PTPRN2: variants seen among roughly 807,000 people sequenced by gnomAD.
PTPRN2 encodes protein tyrosine phosphatase receptor type N2, also known as receptor-type tyrosine-protein phosphatase N2.
A neutral mutation model predicts 118.8 loss-of-function variants in PTPRN2; 74 were observed. The ratio of observed to expected loss-of-function variants is 0.62; its 90% CI spans 0.52 to 0.76. The LOEUF (loss-of-function observed/expected upper bound fraction) is 0.76, where lower values mean the gene tolerates loss of function less well. Among genes scored for constraint, PTPRN2 ranks in the 30% least tolerant of loss-of-function variants. The pLI, the probability that PTPRN2 is intolerant of heterozygous loss-of-function variation, is 0.00. For missense variants in PTPRN2, 1,481 were observed against 1,394.4 expected (o/e 1.06, Z -0.99); for synonymous variants, 641 against 608.0 (o/e 1.05, Z -0.80).
At chr7:158,074,839 G>A (rs1489681040) in intron 11 of PTPRN2, among the ~76,000 whole-genome samples, 1 of 152,170 alleles carries the variant, frequency 6.6e-6, no homozygotes, top group Non-Finnish European at 1.5e-5. Flanking sequence ...AGGTGAGAAC[G>A]AGCTGCTCCC....
At position 157,603,828 on chromosome 7, in the gene PTPRN2, T is replaced by C. The variant is rs1176887088; in HGVS notation, c.2418+174A>G. On this transcript the variant is annotated intron_variant, in intron 16 of 22. Coordinates refer to ENST00000389418, the MANE Select transcript of PTPRN2 (RefSeq NM_002847.5). This position sits in a 1 kb window ranked among gnomAD's most constrained non-coding sequence, Gnocchi z 5.4. ...CCACACGGCTCATAAACAGCCCCGC[T>C]GGTGAAGGAACAGGGGAGTGGCGGG... Among the ~76,000 whole-genome samples the C allele has an allele frequency of 6.6e-6, 1 of 152,084 alleles. No homozygotes were observed. Among genetic ancestry groups the C allele is most frequent in the Non-Finnish European group, 1.5e-5 (1 of 68,018 alleles).
chr7:158,270,765 A>G (rs552043500), intron 3 of PTPRN2, among the ~76,000 whole-genome samples: 1,666 of 117,258 alleles, frequency 0.014, 83 homozygotes, highest in African/African-American at 0.053. Flanking sequence ...CACCTGGACC[A>G]CCCCGTCCAC....
intron 12 of PTPRN2, among the ~76,000 whole-genome samples, chr7:157,844,054 G>A (rs1299713362): frequency 3.3e-5 from 5 of 151,522 alleles, no homozygotes; most frequent in African/African-American, 1.2e-4. Context: ...CACGTCATCG[G>A]TGTGGAACGC....
At chr7:158,136,018 C>T (rs4475429) in intron 8 of PTPRN2, among the ~76,000 whole-genome samples, 50,615 of 152,088 alleles carry the variant, frequency 0.33, 8,579 homozygotes, top group Admixed American at 0.42. Context: ...CAGTGTCTAG[C>T]TCGTGGACAT....
Position 157,621,032 on chromosome 7 carries a change from T to C in PTPRN2, c.2344+330A>G, listed in dbSNP as rs879146456. Among the ~76,000 whole-genome samples the C allele has an allele frequency of 8.0e-3, 699 of 87,458 alleles. 14 individuals carry two copies. Among genetic ancestry groups the C allele is most frequent in the African/African-American group, 0.03 (663 of 21,806 alleles). 57.4% of individuals were successfully genotyped at this position (87,458 alleles called of 152,430 possible). ...AGGCCTCCTGCCCCCGGGACTGGTATGTACAGGTCAGCATGGCCAGTTTCC... is the reference window on the plus strand; with the variant it reads ...AGGCCTCCTGCCCCCGGGACTGGTACGTACAGGTCAGCATGGCCAGTTTCC... On this transcript the variant is annotated intron_variant, in intron 15 of 22. Transcript: ENST00000389418.
In PTPRN2 at chr7:158,316,825, C is replaced by A; in HGVS notation, c.271G>T (p.Gly91Cys). 1 of 1,601,500 alleles carries A rather than the reference C, an allele frequency of 6.2e-7. No homozygotes were observed. Among genetic ancestry groups the A allele is most frequent in the Non-Finnish European group, 8.5e-7 (1 of 1,177,672 alleles). Reference protein sequence around the residue: ...RLRVALQKLSGTGFTWQDDYT... With the variant: ...RLRVALQKLSCTGFTWQDDYT... ...CGGCCCACGCCCGCCCTACCTGTGC[C>A]GGAAAGCTTCTGCAACGCCACGCGC... is the stretch of plus-strand genomic sequence containing the variant. Residue 91 changes from glycine to cysteine, a missense_variant, in exon 3 of 23, where the codon GGC becomes TGC. Physicochemically the swap from Gly to Cys is radical, Grantham distance 159. This residue lies in a region of PTPRN2 where 1,115 missense variants were observed against 994.2 expected (regional missense o/e 1.12). Coordinates refer to ENST00000389418, the MANE Select transcript of PTPRN2 (RefSeq NM_002847.5).
chr7:157,735,497 C>T (rs1442293036), intron 12 of PTPRN2, among the ~76,000 whole-genome samples: 1 of 152,206 alleles, frequency 6.6e-6, no homozygotes, highest in Non-Finnish European at 1.5e-5. Flanking sequence ...GGCTGCTGAG[C>T]TGCTTTAGAA....
chr7:158,048,836 C>T (rs535217859), intron 11 of PTPRN2, among the ~76,000 whole-genome samples: 7 of 150,248 alleles, frequency 4.7e-5, no homozygotes, highest in African/African-American at 1.7e-4. Context: ...TTATCACCAT[C>T]GCATCACCAC....
chr7:158,141,171 TCTCGGCACAATC>T (rs1327384142), intron 6 of PTPRN2, among the ~76,000 whole-genome samples: 1 of 152,196 alleles, frequency 6.6e-6, no homozygotes, highest in African/African-American at 2.4e-5. Context: ...CCTAGAGGGA[TCTCGGCACAATC>T]CTCTACAATA....
chr7:158,288,612 A>G (rs1563092130), intron 3 of PTPRN2, among the ~76,000 whole-genome samples: 3 of 152,184 alleles, frequency 2.0e-5, no homozygotes, highest in Non-Finnish European at 4.4e-5. Flanking sequence ...TAATGTCACA[A>G]TTCATATCTT....
At chr7:158,528,625 A>G (rs1277477321) in intron 1 of PTPRN2, among the ~76,000 whole-genome samples, 1 of 150,180 alleles carries the variant, frequency 6.7e-6, no homozygotes, top group Non-Finnish European at 1.5e-5. Flanking sequence ...TCTCTACTAA[A>G]AATACAAAAA....
intron 9 of PTPRN2, among the ~76,000 whole-genome samples, chr7:158,111,192 G>A (rs144034783): frequency 4.1e-4 from 63 of 152,352 alleles, no homozygotes; most frequent in African/African-American, 1.4e-3. Context: ...AAGGGGAGAA[G>A]GGAGAAGGGA....
intron 3 of PTPRN2, among the ~76,000 whole-genome samples, chr7:158,298,601 C>T (rs1033193315): frequency 1.2e-4 from 18 of 152,248 alleles, no homozygotes; most frequent in Non-Finnish European, 1.8e-4. Flanking sequence ...GAAGAGCTTG[C>T]GGGGGAGGCC....
intron 21 of PTPRN2, 71 bp downstream of exon 21, chr7:157,568,831 G>T (rs1799616520): frequency 1.4e-6 from 2 of 1,467,102 alleles, no homozygotes; most frequent in Non-Finnish European, 1.9e-6. Context: ...CGTGAACACG[G>T]CACCCTACGT....
intron 14 of PTPRN2, among the ~76,000 whole-genome samples, chr7:157,653,817 C>T (rs1373702404): frequency 2.0e-5 from 3 of 150,210 alleles, no homozygotes; most frequent in East Asian, 2.0e-4. Context: ...CACACCCACC[C>T]CAACTGCACA....
chr7:157,997,548 A>G (rs1353765171), intron 11 of PTPRN2, among the ~76,000 whole-genome samples: 2 of 152,176 alleles, frequency 1.3e-5, no homozygotes, highest in Non-Finnish European at 2.9e-5. Flanking sequence ...GGGAAGGACC[A>G]GGGAGGAGAA....
chr7:157,920,495 G>A (rs1041565186), intron 11 of PTPRN2, among the ~76,000 whole-genome samples: 13 of 152,192 alleles, frequency 8.5e-5, no homozygotes, highest in African/African-American at 2.9e-4. Context: ...TTGTCTGAAC[G>A]TCCTGCCTGC....
chr7:158,502,718 C>A (rs1382554192), intron 1 of PTPRN2, among the ~76,000 whole-genome samples: 5 of 152,252 alleles, frequency 3.3e-5, no homozygotes, highest in African/African-American at 9.6e-5. Flanking sequence ...AAAATAGATT[C>A]TTTTCTTGTC....
At chr7:158,247,300 TC>T (rs1349164390) in intron 3 of PTPRN2, among the ~76,000 whole-genome samples, 1 of 152,174 alleles carries the variant, frequency 6.6e-6, no homozygotes, top group Non-Finnish European at 1.5e-5. Flanking sequence ...GAAGGAGATT[TC>T]CAACCCACGT....
Sources: gnomAD v4.1 joint callset for allele counts (sites outside exome capture counted in the v4.1 genomes callset) on GRCh38, gnomAD v4.1.1 for gene constraint, gnomAD v4.1.1 regional missense constraint, Gnocchi (gnomAD v3.1) non-coding constraint, MANE v1.5 for transcripts, NCBI Gene and HGNC (gene_info 2026-07-23, HGNC 2026-07-21) for gene names.